The following TTC28 variants were observed in gnomAD, a reference collection of about 807,000 sequenced individuals.
TTC28 encodes tetratricopeptide repeat domain 28.
A neutral mutation model predicts 198.0 loss-of-function variants in TTC28; 61 were observed. That is an observed-to-expected ratio of 0.31 (90% CI 0.25 to 0.38). The LOEUF (loss-of-function observed/expected upper bound fraction) is 0.38. Among genes scored for constraint, TTC28 ranks in the 10% least tolerant of loss-of-function variants. The pLI, the probability that TTC28 is intolerant of heterozygous loss-of-function variation, is 1.00. For missense variants in TTC28, 2,678 were observed against 3,164.0 expected (o/e 0.85, Z 3.69); for synonymous variants, 1,171 against 1,297.8 (o/e 0.90, Z 2.10).
At chr22:28,164,421 G>A (rs537681287) in intron 5 of TTC28, among the ~76,000 whole-genome samples, 1 of 152,292 alleles carries the variant, frequency 6.6e-6, no homozygotes, top group South Asian at 2.1e-4. Context: ...CACCTCACAT[G>A]GCAGGGTACT....
At chr22:28,584,364 A>G (rs1261594059) in intron 2 of TTC28, among the ~76,000 whole-genome samples, 2 of 152,196 alleles carry the variant, frequency 1.3e-5, no homozygotes, top group Non-Finnish European at 2.9e-5. Context: ...CTGCAGGTTA[A>G]TAACAGGATC....
intron 6 of TTC28, among the ~76,000 whole-genome samples, chr22:28,116,314 G>A (rs1342143156): frequency 6.6e-6 from 1 of 152,232 alleles, no homozygotes; most frequent in East Asian, 1.9e-4. Context: ...CTGTGCCACT[G>A]TAAATCCTGA....
chr22:28,264,166 G>A (rs1931523473), intron 5 of TTC28, among the ~76,000 whole-genome samples: 1 of 152,090 alleles, frequency 6.6e-6, no homozygotes, highest in South Asian at 2.1e-4. Flanking sequence ...ACTGAATCAT[G>A]AGGGCAGATT....
At chr22:28,249,237 G>A (rs1353012647) in intron 5 of TTC28, among the ~76,000 whole-genome samples, 1 of 152,094 alleles carries the variant, frequency 6.6e-6, no homozygotes, top group Non-Finnish European at 1.5e-5. Context: ...TTTGTAAAAT[G>A]AGGACAAGAA....
intron 6 of TTC28, among the ~76,000 whole-genome samples, chr22:28,119,277 G>A (rs1220720322): frequency 6.6e-6 from 1 of 152,100 alleles, no homozygotes; most frequent in Non-Finnish European, 1.5e-5. Context: ...AGTTTCTAGG[G>A]TATTGGTATT....
chr22:28,231,163 G>A (rs1024046523), intron 5 of TTC28, among the ~76,000 whole-genome samples: 1 of 152,172 alleles, frequency 6.6e-6, no homozygotes, highest in Non-Finnish European at 1.5e-5. Context: ...AGAGAAGCTG[G>A]AAGGTGGGAA....
chr22:28,433,252 C>T (rs2047460420), intron 2 of TTC28, among the ~76,000 whole-genome samples: 1 of 152,100 alleles, frequency 6.6e-6, no homozygotes, highest in Non-Finnish European at 1.5e-5. Context: ...ATAAAACTGT[C>T]TTGTCTTTTA....
intron 3 of TTC28, among the ~76,000 whole-genome samples, chr22:28,301,941 G>A (rs1366076520): frequency 6.6e-6 from 1 of 151,992 alleles, no homozygotes; most frequent in Non-Finnish European, 1.5e-5. Flanking sequence ...GGAGGCTGAG[G>A]TGGAAGGATC....
At chr22:28,678,926 G>A (rs201040484) in intron 1 of TTC28, among the ~76,000 whole-genome samples, 1 of 152,170 alleles carries the variant, frequency 6.6e-6, no homozygotes, top group African/African-American at 2.4e-5. Flanking sequence ...CACAGTCCGT[G>A]GCATTTTGAT....
intron 3 of TTC28, among the ~76,000 whole-genome samples, chr22:28,301,854 T>C (rs1464833983): frequency 6.6e-6 from 1 of 151,962 alleles, no homozygotes; most frequent in Admixed American, 6.6e-5. Flanking sequence ...CTGGGCAACA[T>C]GGTGAAACCT....
chr22:28,598,100 A>G (rs2050571572), intron 2 of TTC28, among the ~76,000 whole-genome samples: 1 of 152,186 alleles, frequency 6.6e-6, no homozygotes, highest in Non-Finnish European at 1.5e-5. Context: ...CAAGCCCTCC[A>G]GATCTCAGTT....
chr22:28,037,230 G>A (rs1466878179), intron 12 of TTC28, among the ~76,000 whole-genome samples: 1 of 152,136 alleles, frequency 6.6e-6, no homozygotes, highest in Non-Finnish European at 1.5e-5. Flanking sequence ...AGAATTTTAG[G>A]CCAATATCCC....
At position 28,438,618 on chromosome 22, in the gene TTC28, AGGTTTTGACTGCAGT is replaced by A. The variant is rs2146219219; in HGVS notation, c.382-131990_382-131976del. ...ATCCAATCAGCAGCAGCTTTCCTGA[AGGTTTTGACTGCAGT>A]CTTATTTACACAGTGTTATCTGATA... On this transcript the variant is annotated intron_variant, in intron 2 of 22. Transcript: ENST00000397906. Among the ~76,000 whole-genome samples the A allele has an allele frequency of 2.0e-5, 3 of 152,314 alleles. 1 individual carries two copies. In the South Asian group the frequency reaches 6.2e-4, roughly 32 times the overall value.
intron 2 of TTC28, among the ~76,000 whole-genome samples, chr22:28,626,996 G>A (rs574512037): frequency 2.6e-5 from 4 of 152,002 alleles, no homozygotes; most frequent in East Asian, 1.9e-4. Flanking sequence ...GTTTAAAGGC[G>A]TTCACAAATA....
intron 2 of TTC28, among the ~76,000 whole-genome samples, chr22:28,574,269 C>A (rs1370683071): frequency 6.6e-6 from 1 of 152,204 alleles, no homozygotes; most frequent in Non-Finnish European, 1.5e-5. Context: ...GCTTCAGCCT[C>A]CCAGGGTGCT....
intron 6 of TTC28, among the ~76,000 whole-genome samples, chr22:28,126,071 G>A (rs1942906965): frequency 6.6e-6 from 1 of 152,184 alleles, no homozygotes; most frequent in Admixed American, 6.5e-5. Flanking sequence ...TATGAAACGA[G>A]AGGATGTTTT....
At chr22:28,658,932 G>A (rs2051700926) in intron 1 of TTC28, among the ~76,000 whole-genome samples, 1 of 152,152 alleles carries the variant, frequency 6.6e-6, no homozygotes, top group South Asian at 2.1e-4. Flanking sequence ...GGGAGGTGGA[G>A]GTCACAGTGA....
intron 12 of TTC28, among the ~76,000 whole-genome samples, chr22:28,076,267 C>T (rs1941162893): frequency 6.6e-6 from 1 of 152,156 alleles, no homozygotes; most frequent in South Asian, 2.1e-4. Flanking sequence ...CAAAGACCCA[C>T]TGTACATTGA....
chr22:28,188,391 C>T (rs897772492), intron 5 of TTC28, among the ~76,000 whole-genome samples: 2 of 152,068 alleles, frequency 1.3e-5, no homozygotes, highest in Admixed American at 1.3e-4. Context: ...GCAAGCCAAG[C>T]CCAGCTGCAG....
Sources: allele counts gnomAD v4.1 joint callset (sites outside exome capture counted in the v4.1 genomes callset), GRCh38; gene constraint gnomAD v4.1.1; transcripts MANE v1.5; gene names NCBI Gene and HGNC (gene_info 2026-07-23, HGNC 2026-07-21).